The following GABRP variants were observed in gnomAD, a reference collection of about 807,000 sequenced individuals.
GABRP encodes gamma-aminobutyric acid receptor subunit pi.
GABRP carries 52 observed loss-of-function variants against 47.8 expected under a neutral mutation model. That is an observed-to-expected ratio of 1.09 (90% CI 0.87 to 1.37). The LOEUF (loss-of-function observed/expected upper bound fraction) is 1.37, where lower values mean the gene tolerates loss of function less well. Ranked by LOEUF, GABRP falls within the 40% of genes most tolerant of loss-of-function variation. The pLI is 0.00. For missense variants in GABRP, 525 were observed against 542.8 expected, an observed-to-expected ratio of 0.97 and a Z score of 0.33; for synonymous variants, 221 against 205.8, an observed-to-expected ratio of 1.07 and a Z score of -0.63.
chr5:170,805,165 A>G lies in GABRP; in HGVS notation c.542-551A>G, dbSNP rs74517401. ...CAAGAACATTAGTGACATAATGTAT[A>G]AAGTACTTATAAATGTTCAAAAGGT... On this transcript the variant is annotated intron_variant, in intron 6 of 9. Transcript: ENST00000265294. Among the ~76,000 whole-genome samples, 644 of 151,950 alleles carry G rather than the reference A, an allele frequency of 4.2e-3. 7 individuals are homozygous for G. The highest frequency in any genetic ancestry group is 0.015 in the African/African-American group (617 of 41,510).
intron 3 of GABRP, among the ~76,000 whole-genome samples, chr5:170,793,823 T>A (rs1326195833): frequency 6.6e-6 from 1 of 152,092 alleles, no homozygotes; most frequent in Non-Finnish European, 1.5e-5. Context: ...TCCCAGTTAC[T>A]TGGGAGGCTG....
intron 6 of GABRP, among the ~76,000 whole-genome samples, chr5:170,799,551 A>G (rs1388938779): frequency 6.6e-6 from 1 of 152,122 alleles, no homozygotes; most frequent in Non-Finnish European, 1.5e-5. Context: ...GCATTTTTTC[A>G]TGTGTCTTTT....
intron 7 of GABRP, among the ~76,000 whole-genome samples, chr5:170,808,136 T>C (rs1226309711): frequency 2.6e-5 from 4 of 152,192 alleles, no homozygotes; most frequent in Non-Finnish European, 5.9e-5. Flanking sequence ...TAGTATAAAA[T>C]CTGGGGTGCC....
At chr5:170,796,269 C>G (rs1331143609) in intron 5 of GABRP, among the ~76,000 whole-genome samples, 1 of 152,208 alleles carries the variant, frequency 6.6e-6, no homozygotes, top group Non-Finnish European at 1.5e-5. Flanking sequence ...TCTCAAAGCC[C>G]AATTCTTGTC....
Position 170,811,953 on chromosome 5 carries a change from T to G in GABRP, c.1021-3T>G. 6.2e-7 allele frequency: 1 copy of G among 1,612,840 alleles called. No individual in the cohort carries two copies. On this transcript the variant is annotated splice_polypyrimidine_tract_variant and splice_region_variant and intron_variant, in intron 9 of 9. Transcript: ENST00000265294. ...TAAGCTAACTGCATTGTCTATGAAC[T>G]AGGGGACAACAAAGGAAGTAGAAGA...
intron 1 of GABRP, among the ~76,000 whole-genome samples, chr5:170,784,875 T>C (rs1765089135): frequency 6.6e-6 from 1 of 152,146 alleles, no homozygotes; most frequent in East Asian, 1.9e-4. Flanking sequence ...GGCAGGATAA[T>C]GCATAGGCTG....
chr5:170,790,388 C>A (rs1344874889), intron 3 of GABRP, among the ~76,000 whole-genome samples: 1 of 152,038 alleles, frequency 6.6e-6, no homozygotes, highest in African/African-American at 2.4e-5. Context: ...ACAGTGCCTG[C>A]CCCATCAACA....
chr5:170,803,175 C>A (rs999514383), intron 6 of GABRP, among the ~76,000 whole-genome samples: 1 of 152,132 alleles, frequency 6.6e-6, no homozygotes, highest in African/African-American at 2.4e-5. Flanking sequence ...ACCTGGAAAT[C>A]CCCTAAGAGT....
chr5:170,804,982 TTATATTATATTA>T lies in GABRP; in HGVS notation c.542-723_542-712del, dbSNP rs1165934945. Among the ~76,000 whole-genome samples, 3 of 63,034 alleles carry T rather than the reference TTATATTATATTA, an allele frequency of 4.8e-5. No individual in the cohort carries two copies. The African/African-American group carries it at 6.7e-4, about 14-fold the overall frequency. The allele number at this position is 63,034 out of a possible 152,430, so 41.4% of individuals were successfully genotyped here. A position where few individuals can be genotyped will look rare whatever the true frequency, so the allele number is the denominator to read the frequency against. Reference sequence around the variant, plus strand: ...CATATATACGTTTATATATTATATATTATATTATATTATATATTATATATATTATATATATTA... The same window carrying T: ...CATATATACGTTTATATATTATATATTATATTATATATATTATATATATTA... On this transcript the variant is annotated intron_variant, in intron 6 of 9. Coordinates refer to ENST00000265294, the MANE Select transcript of GABRP (RefSeq NM_014211.3).
chr5:170,797,314 C>T, intron 5 of GABRP, 152 bp from the exon 6 acceptor site: 2 of 628,340 alleles, frequency 3.2e-6, no homozygotes, highest in East Asian at 2.8e-5. Context: ...CTTTAGCACC[C>T]AGAGCCTCAA....
At chr5:170,795,541 T>C in intron 5 of GABRP, 116 bp downstream of exon 5, 1 of 761,166 alleles carries the variant, frequency 1.3e-6, no homozygotes, top group Non-Finnish European at 2.3e-6. Context: ...TCCCATGGCT[T>C]CTTAGATCCT....
rs539202745 is a variant in GABRP at position 170,797,195 on chromosome 5, A to G, written c.459-271A>G. Among the ~76,000 whole-genome samples the G allele has an allele frequency of 1.3e-3, 193 of 152,334 alleles. 1 individual carries two copies. In the South Asian group the frequency reaches 0.013, roughly 10 times the overall value. Reference sequence around the variant, plus strand: ...CTGGATGCTAAAGCATCTCGAGCCAATGCATCTGTCTGTTCTGTGATACTG... The same window carrying G: ...CTGGATGCTAAAGCATCTCGAGCCAGTGCATCTGTCTGTTCTGTGATACTG... On this transcript the variant is annotated intron_variant, in intron 5 of 9. Coordinates refer to ENST00000265294, the MANE Select transcript of GABRP (RefSeq NM_014211.3).
At chr5:170,799,417 T>G (rs1227842846) in intron 6 of GABRP, among the ~76,000 whole-genome samples, 2 of 152,222 alleles carry the variant, frequency 1.3e-5, no homozygotes, top group African/African-American at 4.8e-5. Flanking sequence ...AGTGTTCCTA[T>G]TTCTCCACAT....
intron 7 of GABRP, among the ~76,000 whole-genome samples, chr5:170,806,568 G>A (rs1479804532): frequency 1.3e-5 from 2 of 152,036 alleles, no homozygotes; most frequent in Non-Finnish European, 2.9e-5. Context: ...TCAGCCTCCT[G>A]AGTAGCCGGG....
chr5:170,809,356 G>A lies in GABRP; in HGVS notation c.833-212G>A, dbSNP rs551836953. 9.9e-5 allele frequency among the ~76,000 whole-genome samples: 15 copies of A among 152,110 alleles called. No homozygotes were observed. In the East Asian group the frequency reaches 1.7e-3, roughly 18 times the overall value. The stretch of plus-strand genomic sequence containing the variant: ...ACCCCCTCCCAGGAGAAGACAGAAC[G>A]TGAAACATTAAAAAAAAACACATCC... On this transcript the variant is annotated intron_variant, in intron 8 of 9. Transcript: ENST00000265294.
rs773420111 is a variant in GABRP, at chr5:170,795,461, G to A, written c.458+36G>A. The A allele has an allele frequency of 7.8e-6, 12 of 1,546,838 alleles. No individual in the cohort carries two copies. In the Admixed American group the frequency reaches 1.0e-4, roughly 13 times the overall value. ...ACCTGTGACCTCAGGGGTGGAGGAC[G>A]GCAGCTGGGAGAAAACATGCAGATG... On this transcript the variant is annotated intron_variant, in intron 5 of 9. Transcript: ENST00000265294.
chr5:170,803,808 C>T (rs13355115), intron 6 of GABRP, among the ~76,000 whole-genome samples: 37,656 of 151,756 alleles, frequency 0.25, 4,929 homozygotes, highest in African/African-American at 0.3. Flanking sequence ...CAGAGTTTTG[C>T]TCTGGTTGTC....
rs558484214 is a variant in GABRP, at chr5:170,812,256, T to C, written c.1321T>C (p.Ter441ArgextTer36). 39 of 1,607,820 alleles carry C rather than the reference T, an allele frequency of 2.4e-5. No individual in the cohort carries two copies. Among genetic ancestry groups the C allele is most frequent in the Non-Finnish European group, 3.2e-5 (38 of 1,175,622 alleles). ...VFYWAYYMYF[*>R] ...TTACTGGGCATACTACATGTATTTT[T>C]GAGTCAATGTTAAATTTCTTGCATG... Residue 441 changes from the stop codon to arginine (R), a stop_lost, in exon 10 of 10, where the codon TGA becomes CGA. Coordinates refer to ENST00000265294, the MANE Select transcript of GABRP (RefSeq NM_014211.3).
rs150667747 is a variant in GABRP at position 170,805,791 on chromosome 5, G to T, written c.617G>T (p.Arg206Leu). The T allele has an allele frequency of 6.2e-7, 1 of 1,614,168 alleles. No individual in the cohort carries two copies. Among genetic ancestry groups the T allele is most frequent in the Admixed American group, 1.7e-5 (1 of 60,018 alleles). ...TCTGTGCGTGGACTGGAACACCTGCGGCTTGCTCAGTACACCATAGAGCGG... is the reference window on the plus strand; with the variant it reads ...TCTGTGCGTGGACTGGAACACCTGCTGCTTGCTCAGTACACCATAGAGCGG... ...NDSVRGLEHL[R>L]LAQYTIERYF... The change falls in exon 7 of 10, where the codon CGG (arginine) becomes CTG (leucine). Residue 206 changes from arginine (R) to leucine (L), a missense_variant. By Grantham distance (102) the Arg-to-Leu change is moderately radical (BLOSUM62 -2). Coordinates refer to ENST00000265294, the MANE Select transcript of GABRP (RefSeq NM_014211.3).
Sources: allele counts gnomAD v4.1 joint callset (sites outside exome capture counted in the v4.1 genomes callset), GRCh38; gene constraint gnomAD v4.1.1; transcripts MANE v1.5; gene names NCBI Gene and HGNC (gene_info 2026-07-23, HGNC 2026-07-21).